MYO1H: variants seen among roughly 807,000 people sequenced by gnomAD.
MYO1H encodes the protein unconventional myosin-Ih.
MYO1H carries 118 observed loss-of-function variants against 149.3 expected under a neutral mutation model. The observed-to-expected ratio is 0.79, with a 90% CI of 0.68 to 0.92. The LOEUF (loss-of-function observed/expected upper bound fraction) is 0.92. Ranked by LOEUF, MYO1H falls within the 40% of genes least tolerant of loss-of-function variation. MYO1H has a pLI of 0.00. For synonymous variants in MYO1H, 447 were observed against 465.2 expected (o/e 0.96, Z 0.50); for missense variants, 1,212 against 1,280.7 (o/e 0.95, Z 0.82).
At chr12:109,375,994 GGAAA>G (rs1869080440) in intron 1 of MYO1H, among the ~76,000 whole-genome samples, 1 of 152,086 alleles carries the variant, frequency 6.6e-6, no homozygotes, top group South Asian at 2.1e-4. Context: ...GTCAATCAAT[GGAAA>G]GAAAGAAATA....
chr12:109,362,864 T>C (rs1270188274), intron 1 of MYO1H, among the ~76,000 whole-genome samples: 1 of 152,244 alleles, frequency 6.6e-6, no homozygotes, highest in Non-Finnish European at 1.5e-5. Context: ...TGCCATAGCA[T>C]ATCTTGCAGT....
Position 109,350,874 on chromosome 12 carries a change from A to G in MYO1H, c.12+2902A>G, listed in dbSNP as rs1485756136. On this transcript the variant is annotated intron_variant, in intron 1 of 31. Transcript: ENST00000310903. The stretch of plus-strand genomic sequence containing the variant: ...ACAGAGAGGTCTCAAATATCCCTCA[A>G]TCGTTACATCTTACATAATTAGAGC... 2.6e-5 allele frequency among the ~76,000 whole-genome samples: 4 copies of G among 152,248 alleles called. No homozygotes were observed. In the East Asian group the frequency reaches 7.7e-4, roughly 29 times the overall value.
intron 18 of MYO1H, 21 bp downstream of exon 18, chr12:109,426,072 A>C: frequency 2.5e-6 from 4 of 1,577,656 alleles, no homozygotes; most frequent in Non-Finnish European, 3.5e-6. Context: ...GATCATTATG[A>C]ACTGGGCTCA....
chr12:109,435,973 A>C (rs1429784376), intron 21 of MYO1H, among the ~76,000 whole-genome samples: 1 of 152,170 alleles, frequency 6.6e-6, no homozygotes, highest in African/African-American at 2.4e-5. Flanking sequence ...CTGCTCTGCA[A>C]GGCTCTTGAT....
At chr12:109,425,892 AAGC>A in intron 17 of MYO1H, 51 bp from the exon 18 acceptor site, 1 of 1,281,058 alleles carries the variant, frequency 7.8e-7, no homozygotes, top group Non-Finnish European at 1.1e-6. Flanking sequence ...TATTCGTTGG[AAGC>A]AGCAGTATCT....
the MYO1H span, among the ~76,000 whole-genome samples, chr12:109,339,795 A>C: frequency 1.3e-5 from 2 of 152,256 alleles, no homozygotes; most frequent in Non-Finnish European, 2.9e-5. Flanking sequence ...GAAATAGGCA[A>C]CAATCAAAAC....
chr12:109,435,436 GT>G, intron 21 of MYO1H, among the ~76,000 whole-genome samples: 1 of 152,210 alleles, frequency 6.6e-6, no homozygotes, highest in East Asian at 1.9e-4. Flanking sequence ...AACTTCACTT[GT>G]CTGCGTGTCT....
At chr12:109,379,133 T>C (rs1414929069) in intron 1 of MYO1H, among the ~76,000 whole-genome samples, 1 of 152,230 alleles carries the variant, frequency 6.6e-6, no homozygotes, top group Non-Finnish European at 1.5e-5. Flanking sequence ...CCTCACCACA[T>C]TTCAAGTGCT....
At chr12:109,396,987 C>G (rs1239211316) in intron 4 of MYO1H, among the ~76,000 whole-genome samples, 6 of 151,686 alleles carry the variant, frequency 4.0e-5, no homozygotes, top group Admixed American at 1.3e-4. Flanking sequence ...ACCATCATTC[C>G]CAGCTAATTT....
exon 20 of MYO1H, chr12:109,432,911 G>A (rs1343407179): frequency 1.2e-6 from 2 of 1,613,982 alleles, no homozygotes; most frequent in East Asian, 2.2e-5. Flanking sequence ...AAGTCCTTAT[G>A]CCCAGACACC....
At chr12:109,316,563 G>A in the MYO1H span, among the ~76,000 whole-genome samples, 1 of 152,154 alleles carries the variant, frequency 6.6e-6, no homozygotes, top group African/African-American at 2.4e-5. Context: ...AAATGGTAAT[G>A]TATCATTGTA....
intron 31 of MYO1H, 34 bp downstream of exon 31, chr12:109,445,646 T>C (rs1419509262): frequency 6.3e-7 from 1 of 1,596,080 alleles, no homozygotes; most frequent in Non-Finnish European, 8.5e-7. Context: ...AAGTAAGCCG[T>C]TTTAGATGAG....
intron 1 of MYO1H, among the ~76,000 whole-genome samples, chr12:109,364,700 C>G (rs1463565811): frequency 1.3e-5 from 2 of 152,122 alleles, no homozygotes; most frequent in African/African-American, 2.4e-5. Context: ...ACCACAGAAA[C>G]ACAGATAATT....
intron 1 of MYO1H, among the ~76,000 whole-genome samples, chr12:109,349,961 GAAA>G (rs10633763): frequency 7.6e-6 from 1 of 131,886 alleles, no homozygotes; most frequent in Non-Finnish European, 1.6e-5. Flanking sequence ...ACTCTGTCTT[GAAA>G]AAAAAAAAAA....
At chr12:109,404,605 A>G (rs1181213766) in intron 7 of MYO1H, among the ~76,000 whole-genome samples, 1 of 152,264 alleles carries the variant, frequency 6.6e-6, no homozygotes. Context: ...CTTATACTAA[A>G]AAATTAATGT....
At chr12:109,390,837 T>G (rs1200133409) in intron 2 of MYO1H, among the ~76,000 whole-genome samples, 1 of 152,042 alleles carries the variant, frequency 6.6e-6, no homozygotes, top group East Asian at 1.9e-4. Context: ...GGCTAATTTT[T>G]TTGTATTTTT....
At chr12:109,315,632 A>G in the MYO1H span, among the ~76,000 whole-genome samples, 4 of 152,222 alleles carry the variant, frequency 2.6e-5, no homozygotes, top group Admixed American at 2.0e-4. Context: ...CGATCCCTCA[A>G]GATAGCTATC....
intron 1 of MYO1H, among the ~76,000 whole-genome samples, chr12:109,355,278 A>G (rs1173022576): frequency 6.6e-6 from 1 of 152,084 alleles, no homozygotes; most frequent in African/African-American, 2.4e-5. Flanking sequence ...CCTTACGTGC[A>G]ATCTTCCTTA....
intron 13 of MYO1H, among the ~76,000 whole-genome samples, chr12:109,411,066 C>T (rs747632643): frequency 1.3e-5 from 2 of 152,096 alleles, no homozygotes; most frequent in African/African-American, 4.8e-5. Flanking sequence ...TGCTTGAACC[C>T]CGGAGGCAGA....
Sources: gnomAD v4.1 joint callset for allele counts (sites outside exome capture counted in the v4.1 genomes callset) on GRCh38, gnomAD v4.1.1 for gene constraint, MANE v1.5 for transcripts, NCBI Gene and HGNC (gene_info 2026-07-23, HGNC 2026-07-21) for gene names.